ACSF2: variants seen among roughly 807,000 people sequenced by gnomAD.
The protein encoded by ACSF2 is acyl-CoA synthetase family member 2, also known as medium-chain acyl-CoA ligase ACSF2, mitochondrial.
In ACSF2, 52 loss-of-function variants were observed where a neutral mutation model predicts 79.3. The ratio of observed to expected loss-of-function variants is 0.66; its 90% CI spans 0.53 to 0.83. The LOEUF is 0.83. Among genes scored for constraint, ACSF2 ranks in the 40% least tolerant of loss-of-function variants. The pLI, the probability that ACSF2 is intolerant of heterozygous loss-of-function variation, is 0.00. For missense variants in ACSF2, 661 were observed against 803.3 expected (o/e 0.82, Z 2.14); for synonymous variants, 283 against 312.6 (o/e 0.91, Z 1.00).
At chr17:50,446,568 A>T (rs1332666965) in intron 1 of ACSF2, among the ~76,000 whole-genome samples, 1 of 152,162 alleles carries the variant, frequency 6.6e-6, no homozygotes, top group Admixed American at 6.6e-5. Flanking sequence ...GGCCCACTTG[A>T]TGTACTTTTG....
chr17:50,432,506 G>T (rs1162478435), intron 1 of ACSF2, among the ~76,000 whole-genome samples: 1 of 152,212 alleles, frequency 6.6e-6, no homozygotes, highest in Non-Finnish European at 1.5e-5. Context: ...ACAGGCCTGA[G>T]CTTATGCTGA....
At chr17:50,468,569 AG>A in intron 10 of ACSF2, 1 of 1,614,232 alleles carries the variant, frequency 6.2e-7, no homozygotes, top group Non-Finnish European at 8.5e-7. Flanking sequence ...GCAGTGCTGC[AG>A]GTGCAATGAC....
intron 10 of ACSF2, chr17:50,468,985 G>A (rs1387740264): frequency 8.0e-6 from 11 of 1,367,832 alleles, no homozygotes; most frequent in Non-Finnish European, 8.4e-6. Flanking sequence ...TAACTCGCTC[G>A]CGCCCAGAGA....
chr17:50,431,337 A>G (rs1234402637), intron 1 of ACSF2, among the ~76,000 whole-genome samples: 3 of 152,352 alleles, frequency 2.0e-5, no homozygotes, highest in Middle Eastern at 3.4e-3. Context: ...AGGAGTCTAC[A>G]GGGGAAGTCC....
chr17:50,443,295 C>T (rs376351388), intron 1 of ACSF2, among the ~76,000 whole-genome samples: 19 of 152,258 alleles, frequency 1.2e-4, no homozygotes, highest in African/African-American at 4.6e-4. Context: ...AACAGCTTCT[C>T]CCCTTAGATT....
intron 10 of ACSF2, 193 bp from the exon 11 acceptor site, chr17:50,470,835 A>C (rs537592803): frequency 6.8e-5 from 39 of 574,318 alleles, no homozygotes; most frequent in African/African-American, 6.4e-4. Flanking sequence ...CCCTGCAGAG[A>C]TCTAGTCTGC....
In ACSF2 at chr17:50,426,323, T is replaced by A. The variant is rs200478866; in HGVS notation, c.62T>A (p.Leu21Gln). 2,314 of 1,420,444 alleles carry A rather than the reference T, an allele frequency of 1.6e-3. 34 individuals carry two copies. The African/African-American group carries it at 0.029, about 18-fold the overall frequency. The allele number at this position is 1,420,444 out of a possible 1,614,324, so 88.0% of individuals were successfully genotyped here. A position where few individuals can be genotyped will look rare whatever the true frequency, so the allele number is the denominator to read the frequency against. Residue 21 changes from leucine to glutamine, a missense_variant, in exon 1 of 16, where the codon CTG becomes CAG. Leu to Gln is a moderately radical substitution (Grantham distance 113). Transcript: ENST00000300441. ...GRLCAGSSGV[L>Q]GARAALSRSW... The stretch of plus-strand genomic sequence containing the variant: ...CTGTGCGCCGGGAGCTCGGGGGTGC[T>A]GGGGGCCCGGGCCGCCCTCTCTCGG...
Position 50,474,011 on chromosome 17 carries a change from GC to G in ACSF2, c.1728+9del. 6.6e-7 allele frequency: 1 copy of G among 1,516,844 alleles called. No individual in the cohort carries two copies. The allele number at this position is 1,516,844 out of a possible 1,614,324, so 94.0% of individuals were successfully genotyped here. Reference sequence around the variant, plus strand: ...AGCTTTCTGCAAAGGGAAGGTGGGAGCCTCCGCTCAACCTAGCTGATGCTGC... The same window carrying G: ...AGCTTTCTGCAAAGGGAAGGTGGGAGCTCCGCTCAACCTAGCTGATGCTGC... On this transcript the variant is annotated splice_region_variant and intron_variant, in intron 14 of 15. Coordinates refer to ENST00000300441, the MANE Select transcript of ACSF2 (RefSeq NM_025149.6). This position sits in a 1 kb window ranked among gnomAD's most constrained non-coding sequence, Gnocchi z 4.2.
At chr17:50,458,445 A>G (rs1185380406) in intron 1 of ACSF2, among the ~76,000 whole-genome samples, 1 of 152,036 alleles carries the variant, frequency 6.6e-6, no homozygotes, top group Non-Finnish European at 1.5e-5. Flanking sequence ...CTGATGATTA[A>G]TACTTCCTCA....
At chr17:50,458,309 C>A (rs138931657) in intron 1 of ACSF2, among the ~76,000 whole-genome samples, 3 of 152,264 alleles carry the variant, frequency 2.0e-5, no homozygotes, top group Non-Finnish European at 4.4e-5. Flanking sequence ...CTGCTCTGGA[C>A]CCTTTGGTTT....
chr17:50,431,483 G>T lies in ACSF2; in HGVS notation c.128+5094G>T, dbSNP rs796443523. Among the ~76,000 whole-genome samples the T allele has an allele frequency of 1.7e-4, 26 of 152,330 alleles. 1 individual carries two copies. Among genetic ancestry groups the T allele is most frequent in the African/African-American group, 6.3e-4 (26 of 41,580 alleles). ...GGGGTTAGAACCTGATCCCTGAAAG[G>T]TTAGGTCTGCAGTTTGAAGCCTTTG... is the stretch of plus-strand genomic sequence containing the variant. On this transcript the variant is annotated intron_variant, in intron 1 of 15. Transcript: ENST00000300441.
chr17:50,472,453 G>A lies in ACSF2; in HGVS notation c.1349G>A (p.Gly450Glu). Reference sequence around the variant, plus strand: ...GCCCGGATCATGAACATGGAGGCAGGGACGCTGGCAAAGCTGAACACGCCC... The same window carrying A: ...GCCCGGATCATGAACATGGAGGCAGAGACGCTGGCAAAGCTGAACACGCCC... The part of the protein sequence containing the change: ...TEARIMNMEA[G>E]TLAKLNTPGE... The change falls in exon 12 of 16, where the codon GGG (glycine) becomes GAG (glutamate). Residue 450 changes from glycine to glutamate, a missense_variant. Physicochemically the swap from Gly to Glu is moderately conservative, Grantham distance 98. Coordinates refer to ENST00000300441, the MANE Select transcript of ACSF2 (RefSeq NM_025149.6). The A allele has an allele frequency of 6.2e-7, 1 of 1,612,596 alleles. No homozygotes were observed. Among genetic ancestry groups the A allele is most frequent in the South Asian group, 1.1e-5 (1 of 90,834 alleles).
chr17:50,468,540 C>G (rs1249465299), intron 10 of ACSF2: 2 of 1,614,236 alleles, frequency 1.2e-6, no homozygotes, highest in Non-Finnish European at 1.7e-6. Flanking sequence ...AAGGCACCGG[C>G]GGCCACCTCG....
At chr17:50,454,169 ATT>A (rs34569538) in intron 1 of ACSF2, among the ~76,000 whole-genome samples, 150 of 113,040 alleles carry the variant, frequency 1.3e-3, no homozygotes, top group African/African-American at 1.7e-3. Flanking sequence ...ACCGTCCCAA[ATT>A]TTTTTTTTTT....
At chr17:50,461,951 T>TGTGTGTGTGC (rs112810352) in intron 4 of ACSF2, among the ~76,000 whole-genome samples, 5 of 150,366 alleles carry the variant, frequency 3.3e-5, no homozygotes, top group African/African-American at 1.2e-4. Context: ...TGTGTGTGTG[T>TGTGTGTGTGC]GCGTGTGTCC....
In ACSF2 at chr17:50,464,204, T is replaced by G; in HGVS notation, c.1139-14T>G. On this transcript the variant is annotated splice_polypyrimidine_tract_variant and intron_variant, in intron 9 of 15. Coordinates refer to ENST00000300441, the MANE Select transcript of ACSF2 (RefSeq NM_025149.6). Reference sequence around the variant, plus strand: ...GAGAATTGGGGAGCTGTGTCAGCCCTCTCTCTGATTCAGGTGTCATTGCTG... The same window carrying G: ...GAGAATTGGGGAGCTGTGTCAGCCCGCTCTCTGATTCAGGTGTCATTGCTG... 18 of 1,613,880 alleles carry G rather than the reference T, an allele frequency of 1.1e-5. No individual in the cohort carries two copies. Among genetic ancestry groups the G allele is most frequent in the Non-Finnish European group, 1.5e-5 (18 of 1,179,802 alleles).
chr17:50,435,709 G>A (rs1413072663), intron 1 of ACSF2, among the ~76,000 whole-genome samples: 1 of 151,992 alleles, frequency 6.6e-6, no homozygotes, highest in Non-Finnish European at 1.5e-5. Flanking sequence ...GAGCCACTAT[G>A]CCCAGCCCAT....
At position 50,462,457 on chromosome 17, in the gene ACSF2, C is replaced by A; in HGVS notation, c.664C>A (p.Pro222Thr). Residue 222 changes from proline to threonine, a missense_variant, in exon 6 of 16, where the codon CCT (proline) becomes ACT (threonine). Pro to Thr is a conservative substitution (Grantham distance 38). Transcript: ENST00000300441. The stretch of plus-strand genomic sequence containing the variant: ...GACCACAGTCATCTCGGTGGATGCC[C>A]CTTTGCCGGGGACCCTGCTCCTGGA... ...DLTTVISVDA[P>T]LPGTLLLDEV... 1.9e-6 allele frequency: 3 copies of A among 1,605,830 alleles called. No homozygotes were observed. The highest frequency in any genetic ancestry group is 2.6e-6 in the Non-Finnish European group (3 of 1,176,418).
chr17:50,455,568 T>G (rs1378092946), intron 1 of ACSF2, among the ~76,000 whole-genome samples: 2 of 152,104 alleles, frequency 1.3e-5, no homozygotes, highest in Non-Finnish European at 2.9e-5. Context: ...TCCAGCCCCA[T>G]GGGGTTGACT....
Sources: allele counts gnomAD v4.1 joint callset (sites outside exome capture counted in the v4.1 genomes callset), GRCh38; gene constraint gnomAD v4.1.1; non-coding constraint Gnocchi (gnomAD v3.1); transcripts MANE v1.5; gene names NCBI Gene and HGNC (gene_info 2026-07-23, HGNC 2026-07-21).